Variants in IFIT1 observed in about 807,000 individuals in gnomAD.
IFIT1 encodes the protein antiviral innate immune response effector IFIT1.
IFIT1 carries 1 observed loss-of-function variant against 2.5 expected under a neutral mutation model. The ratio of observed to expected loss-of-function variants is 0.40; its 90% CI spans 0.14 to 1.92. The LOEUF (loss-of-function observed/expected upper bound fraction) is 1.92, where lower values mean the gene tolerates loss of function less well. Ranked by LOEUF, IFIT1 falls within the 40% of genes most tolerant of loss-of-function variation. The pLI, the probability that IFIT1 is intolerant of heterozygous loss-of-function variation, is 0.31. For synonymous variants in IFIT1, 191 were observed against 201.7 expected, an observed-to-expected ratio of 0.95 and a Z score of 0.45; for missense variants, 508 against 557.8, an observed-to-expected ratio of 0.91 and a Z score of 0.90.
In IFIT1 at chr10:89,403,847, A is replaced by G. The variant is rs1844484586; in HGVS notation, c.*135A>G. 1 of 608,674 alleles carries G rather than the reference A, an allele frequency of 1.6e-6. No homozygotes were observed. 37.7% of individuals were successfully genotyped at this position (608,674 alleles called of 1,614,324 possible). On this transcript the variant is annotated 3_prime_UTR_variant, in exon 2 of 2. Coordinates refer to ENST00000371804, the MANE Select transcript of IFIT1 (RefSeq NM_001548.5). ...TAATTCTTGAATAATAAATCTGACAAAATATTAGTTGTGTTCAACAATTAG... is the reference window on the plus strand; with the variant it reads ...TAATTCTTGAATAATAAATCTGACAGAATATTAGTTGTGTTCAACAATTAG...
chr10:89,393,336 C>T (rs182425254), intron 1 of IFIT1: 1,050 of 1,273,576 alleles, frequency 8.2e-4, no homozygotes, highest in Non-Finnish European at 9.9e-4. Flanking sequence ...AAAATCTAGG[C>T]TCTTGGTACG....
intron 1 of IFIT1, among the ~76,000 whole-genome samples, chr10:89,401,538 G>A (rs938987159): frequency 3.3e-5 from 5 of 152,116 alleles, no homozygotes; most frequent in Non-Finnish European, 7.4e-5. Flanking sequence ...GGTAATATGA[G>A]GGAGATGTGG....
At chr10:89,394,125 G>A (rs1042339812) in intron 1 of IFIT1, among the ~76,000 whole-genome samples, 10 of 151,938 alleles carry the variant, frequency 6.6e-5, no homozygotes, top group Non-Finnish European at 8.8e-5. Context: ...AAACCTAGAC[G>A]GTATAGCCTA....
At chr10:89,402,221 T>C in intron 1 of IFIT1, 60 bp from the exon 2 acceptor site, 1 of 1,095,934 alleles carries the variant, frequency 9.1e-7, no homozygotes, top group Non-Finnish European at 1.3e-6. Context: ...GTATTTTATC[T>C]GACTTTTTTC....
At position 89,405,465 on chromosome 10, in the gene IFIT1, T is replaced by C. The variant is rs1844515128; in HGVS notation, c.*1753T>C. 1 of 152,254 alleles carries C rather than the reference T, an allele frequency of 6.6e-6. No homozygotes were observed. Among genetic ancestry groups the C allele is most frequent in the African/African-American group, 2.4e-5 (1 of 41,480 alleles). 9.4% of individuals were successfully genotyped at this position (152,254 alleles called of 1,614,324 possible). ...GAATATACTAGTTTCTTTTAGTGGCTGTAACAAATTACCACAAACTTGGTG... is the reference window on the plus strand; with the variant it reads ...GAATATACTAGTTTCTTTTAGTGGCCGTAACAAATTACCACAAACTTGGTG... On this transcript the variant is annotated 3_prime_UTR_variant, in exon 2 of 2. Transcript: ENST00000371804.
chr10:89,402,746 T>C lies in IFIT1; in HGVS notation c.471T>C (p.Tyr157=), dbSNP rs766137441. The C allele has an allele frequency of 6.2e-7, 1 of 1,614,202 alleles. No individual in the cohort carries two copies. The highest frequency in any genetic ancestry group is 1.7e-5 in the Admixed American group (1 of 60,026). ...WALLKCGGKN[Y]ERAKACFEKV... ...TGCTGAAGTGTGGAGGAAAAAATTATGAACGGGCCAAGGCCTGCTTTGAAA... is the reference window on the plus strand; with the variant it reads ...TGCTGAAGTGTGGAGGAAAAAATTACGAACGGGCCAAGGCCTGCTTTGAAA... Residue 157 remains tyrosine (Y), a synonymous_variant, in exon 2 of 2, where the codon TAT becomes TAC. Transcript: ENST00000371804.
At position 89,402,889 on chromosome 10, in the gene IFIT1, C is replaced by A. The variant is rs1233802059; in HGVS notation, c.614C>A (p.Pro205His). ...TKNHKPFSLL[P>H]LRQAVRLNPD... ...AATCACAAGCCATTTTCTTTGCTTC[C>A]CCTAAGGCAGGCTGTCCGCTTAAAT... is the stretch of plus-strand genomic sequence containing the variant. The change falls in exon 2 of 2, where the codon CCC becomes CAC. Residue 205 changes from proline to histidine, a missense_variant. Coordinates refer to ENST00000371804, the MANE Select transcript of IFIT1 (RefSeq NM_001548.5). The A allele has an allele frequency of 5.6e-6, 9 of 1,614,160 alleles. No individual in the cohort carries two copies. Among genetic ancestry groups the A allele is most frequent in the Non-Finnish European group, 7.6e-6 (9 of 1,180,028 alleles).
In IFIT1 at chr10:89,402,997, A is replaced by C. The variant is rs1844460772; in HGVS notation, c.722A>C (p.Glu241Ala). The C allele has an allele frequency of 6.2e-7, 1 of 1,614,190 alleles. No individual in the cohort carries two copies. The highest frequency in any genetic ancestry group is 1.3e-5 in the African/African-American group (1 of 75,064). ...GQEAEGEKYIEEALANMSSQT... is the reference protein window; with the variant it reads ...GQEAEGEKYIAEALANMSSQT... The stretch of plus-strand genomic sequence containing the variant: ...GAAGCTGAAGGAGAAAAGTACATTG[A>C]AGAAGCTCTAGCCAACATGTCCTCA... The change falls in exon 2 of 2, where the codon GAA (glutamate) becomes GCA (alanine). Residue 241 changes from glutamate to alanine, a missense_variant. By Grantham distance (107) the Glu-to-Ala change is moderately radical (BLOSUM62 -1). Transcript: ENST00000371804.
chr10:89,397,655 C>G (rs953477820), intron 1 of IFIT1, among the ~76,000 whole-genome samples: 2 of 151,664 alleles, frequency 1.3e-5, no homozygotes, highest in Non-Finnish European at 2.9e-5. Flanking sequence ...AGATTATAGG[C>G]ATGAGTCATT....
rs76928438 is a variant in IFIT1 at position 89,396,186 on chromosome 10, C to T, written c.5+3469C>T. On this transcript the variant is annotated intron_variant, in intron 1 of 1. Transcript: ENST00000371804. ...ATTGAGGAACCACCACATTGTTTTC[C>T]ACAGCAGCTGCATCATTTTACATTC... 9.3e-3 allele frequency among the ~76,000 whole-genome samples: 1,421 copies of T among 152,234 alleles called. 25 individuals carry two copies. Among genetic ancestry groups the T allele is most frequent in the African/African-American group, 0.033 (1,367 of 41,510 alleles).
At chr10:89,398,496 G>C (rs1844377198) in intron 1 of IFIT1, among the ~76,000 whole-genome samples, 1 of 152,160 alleles carries the variant, frequency 6.6e-6, no homozygotes, top group Admixed American at 6.5e-5. Context: ...ACCTGTGTCT[G>C]AGTACTCATT....
Position 89,402,515 on chromosome 10 carries a change from CTT to C in IFIT1, c.241_242del (p.Leu81AsnfsTer6). On this transcript the variant is annotated frameshift_variant, in exon 2 of 2. Transcript: ENST00000371804. LOFTEE classifies it low-confidence loss of function (END_TRUNC). ...TGAAGAGCTTAAAAGAAGCTGAAAA[CTT>C]AATGCAGGAAGAACATGACAACCAA... ...ALKSLKEAEN[L>X]MQEEHDNQAN... The C allele has an allele frequency of 3.1e-6, 5 of 1,614,182 alleles. No homozygotes were observed. The highest frequency in any genetic ancestry group is 4.2e-6 in the Non-Finnish European group (5 of 1,180,026).
chr10:89,402,144 A>C, intron 1 of IFIT1, 137 bp from the exon 2 acceptor site: 1 of 643,310 alleles, frequency 1.6e-6, no homozygotes, highest in Non-Finnish European at 2.7e-6. Context: ...GAATAACTTA[A>C]AAATACATTA....
chr10:89,397,833 C>T (rs993735928), intron 1 of IFIT1, among the ~76,000 whole-genome samples: 1 of 152,168 alleles, frequency 6.6e-6, no homozygotes, highest in Admixed American at 6.5e-5. Flanking sequence ...ACATTTTCCA[C>T]GTTTTTGTTA....
intron 1 of IFIT1, chr10:89,393,065 G>T: frequency 9.2e-7 from 1 of 1,082,804 alleles, no homozygotes; most frequent in Non-Finnish European, 1.2e-6. Context: ...ATATGGGGAA[G>T]GAATGGACAG....
Position 89,392,641 on chromosome 10 carries a change from CA to C in IFIT1, c.-71del. 6.4e-7 allele frequency: 1 copy of C among 1,557,386 alleles called. No homozygotes were observed. The highest frequency in any genetic ancestry group is 8.9e-7 in the Non-Finnish European group (1 of 1,128,860). On this transcript the variant is annotated 5_prime_UTR_variant, in exon 1 of 2. Coordinates refer to ENST00000371804, the MANE Select transcript of IFIT1 (RefSeq NM_001548.5). ...TAAACGTAACTGAAAATCCACAAGA[CA>C]GAATAGCCAGATCTCAGAGGAGCCT...
At chr10:89,399,864 ACT>A (rs200034872) in intron 1 of IFIT1, among the ~76,000 whole-genome samples, 5 of 151,056 alleles carry the variant, frequency 3.3e-5, no homozygotes, top group East Asian at 1.9e-4. Context: ...ACCAAAGCTC[ACT>A]CTCTCTCTCT....
Position 89,402,461 on chromosome 10 carries a change from A to C in IFIT1, c.186A>C (p.Lys62Asn). ...TACACAACCTACTAGCCTATGTGAA[A>C]CACCTGAAAGGCCAGAATGAGGAAG... ...VGIHNLLAYV[K>N]HLKGQNEEAL... The change falls in exon 2 of 2, where the codon AAA (lysine) becomes AAC (asparagine). Residue 62 changes from lysine to asparagine, a missense_variant. Transcript: ENST00000371804. 6.2e-7 allele frequency: 1 copy of C among 1,614,220 alleles called. No homozygotes were observed.
Position 89,404,144 on chromosome 10 carries a change from C to T in IFIT1, c.*432C>T, listed in dbSNP as rs749776654. On this transcript the variant is annotated 3_prime_UTR_variant, in exon 2 of 2. Transcript: ENST00000371804. ...GAGATCATTCACACCTCATTATATT[C>T]CCTCCCTTGCTAACTGCCATTGGAC... 6.5e-6 allele frequency: 1 copy of T among 153,418 alleles called. No individual in the cohort carries two copies. The highest frequency in any genetic ancestry group is 1.4e-5 in the Non-Finnish European group (1 of 68,966). 9.5% of individuals were successfully genotyped at this position (153,418 alleles called of 1,614,324 possible).
Sources: gnomAD v4.1 joint callset for allele counts (sites outside exome capture counted in the v4.1 genomes callset) on GRCh38, gnomAD v4.1.1 for gene constraint, MANE v1.5 for transcripts, NCBI Gene and HGNC (gene_info 2026-07-23, HGNC 2026-07-21) for gene names.